FAM184A: variants seen among roughly 807,000 people sequenced by gnomAD.
FAM184A encodes the protein family with sequence similarity 184 member A, also known as protein FAM184A.
Under a neutral mutation model 143.8 loss-of-function variants are expected in FAM184A, and 99 were observed. The observed-to-expected ratio is 0.69, with a 90% CI of 0.58 to 0.81. The LOEUF (loss-of-function observed/expected upper bound fraction) is 0.81. Ranked by LOEUF, FAM184A falls within the 40% of genes least tolerant of loss-of-function variation. The probability of loss-of-function intolerance (pLI) is 0.00; values close to 1 mark genes in which losing one functional copy is unlikely to be tolerated. For missense variants in FAM184A, 1,217 were observed against 1,310.5 expected (o/e 0.93, Z 1.10); for synonymous variants, 427 against 446.4 (o/e 0.96, Z 0.55).
chr6:119,120,873 G>T (rs1789195203), intron 1 of FAM184A, among the ~76,000 whole-genome samples: 1 of 142,000 alleles, frequency 7.0e-6, no homozygotes, highest in African/African-American at 2.7e-5. Context: ...TAGGAGACAG[G>T]GTCTTGTTCT....
At chr6:119,084,613 G>A (rs936056650) in intron 1 of FAM184A, among the ~76,000 whole-genome samples, 6 of 152,206 alleles carry the variant, frequency 3.9e-5, no homozygotes. Context: ...CTGGAGGATG[G>A]CAGCCCTCTT....
At chr6:119,102,954 C>A (rs560581496) in intron 1 of FAM184A, among the ~76,000 whole-genome samples, 1 of 152,260 alleles carries the variant, frequency 6.6e-6, no homozygotes, top group East Asian at 1.9e-4. Flanking sequence ...CCTTCTTATT[C>A]TTTCTTAACA....
intron 1 of FAM184A, among the ~76,000 whole-genome samples, chr6:119,085,465 C>A (rs1788194914): frequency 6.6e-6 from 1 of 152,162 alleles, no homozygotes. Context: ...ACCTTCTCAG[C>A]CTGGACTTCA....
chr6:119,013,154 T>C (rs1355545471), intron 5 of FAM184A, among the ~76,000 whole-genome samples: 1 of 152,052 alleles, frequency 6.6e-6, no homozygotes, highest in Non-Finnish European at 1.5e-5. Flanking sequence ...GGGTGGTGAA[T>C]ATATTCACCT....
At chr6:119,108,237 A>C (rs1303315309) in intron 1 of FAM184A, among the ~76,000 whole-genome samples, 1 of 151,840 alleles carries the variant, frequency 6.6e-6, no homozygotes, top group Non-Finnish European at 1.5e-5. Context: ...AGACCTTTTG[A>C]TGCCTTGATA....
upstream of FAM184A, among the ~76,000 whole-genome samples, chr6:119,082,604 G>A (rs953175069): frequency 6.6e-6 from 1 of 152,222 alleles, no homozygotes; most frequent in South Asian, 2.1e-4. Context: ...AACTGACAAG[G>A]CACTCATTAA....
At chr6:119,049,790 A>T (rs1194589976) in intron 1 of FAM184A, among the ~76,000 whole-genome samples, 1 of 152,218 alleles carries the variant, frequency 6.6e-6, no homozygotes, top group African/African-American at 2.4e-5. Flanking sequence ...GTTCCATGAC[A>T]AGGACACCAA....
intron 1 of FAM184A, among the ~76,000 whole-genome samples, chr6:119,070,490 C>T (rs1787642031): frequency 6.6e-6 from 1 of 152,140 alleles, no homozygotes; most frequent in Admixed American, 6.5e-5. Context: ...GGACCATTAA[C>T]TCTCTAGGTC....
chr6:119,024,589 T>C lies in FAM184A; in HGVS notation c.384A>G (p.Glu128=). ...CAACTCTGTGCTTATAAGCTTCAAA[T>C]TCTGTCAAAGCCTGCTGCTTCATTT... ...HIKMKQQALT[E]FEAYKHRVED... The change falls in exon 2 of 18, where the codon GAA becomes GAG. Residue 128 remains glutamate, a synonymous_variant. Transcript: ENST00000338891. 1 of 1,614,200 alleles carries C rather than the reference T, an allele frequency of 6.2e-7. No individual in the cohort carries two copies. Among genetic ancestry groups the C allele is most frequent in the East Asian group, 2.2e-5 (1 of 44,886 alleles).
intron 1 of FAM184A, among the ~76,000 whole-genome samples, chr6:119,132,683 G>C (rs638083): frequency 0.036 from 5,470 of 152,280 alleles, 320 homozygotes; most frequent in African/African-American, 0.12. Flanking sequence ...CGGACTTACA[G>C]CTCTCTTTTC....
At chr6:119,140,837 A>G (rs1406045015) in intron 1 of FAM184A, among the ~76,000 whole-genome samples, 2 of 152,234 alleles carry the variant, frequency 1.3e-5, no homozygotes, top group African/African-American at 2.4e-5. Flanking sequence ...TTTATTTTGC[A>G]TCGTGGTCTA....
intron 1 of FAM184A, among the ~76,000 whole-genome samples, chr6:119,121,392 C>T (rs1469003178): frequency 3.3e-5 from 5 of 152,220 alleles, no homozygotes; most frequent in Non-Finnish European, 7.3e-5. Flanking sequence ...CCACCTGGGC[C>T]TCCCAAATTG....
chr6:119,132,172 T>G (rs1010413265), intron 1 of FAM184A, among the ~76,000 whole-genome samples: 1 of 152,238 alleles, frequency 6.6e-6, no homozygotes, highest in African/African-American at 2.4e-5. Context: ...TGCCAAATTC[T>G]GTGTAGGTTT....
chr6:119,089,324 C>A (rs968415329), intron 1 of FAM184A, among the ~76,000 whole-genome samples: 8 of 152,068 alleles, frequency 5.3e-5, no homozygotes, highest in African/African-American at 1.9e-4. Flanking sequence ...CTGTCATAGC[C>A]TCCCAAGTAG....
intron 1 of FAM184A, among the ~76,000 whole-genome samples, chr6:119,137,966 G>A (rs910211607): frequency 3.9e-5 from 6 of 152,262 alleles, no homozygotes; most frequent in Non-Finnish European, 7.3e-5. Context: ...AGATGTGGAA[G>A]TCAGAACAGC....
chr6:119,100,334 A>T (rs1325376074), intron 1 of FAM184A, among the ~76,000 whole-genome samples: 1 of 152,150 alleles, frequency 6.6e-6, no homozygotes, highest in East Asian at 1.9e-4. Flanking sequence ...GCTCACTATC[A>T]CTATGGACAC....
At position 118,961,541 on chromosome 6, in the gene FAM184A, C is replaced by A. The variant is rs1465721949; in HGVS notation, c.3341+220G>T. Reference sequence around the variant, plus strand: ...GATATAAATTACATTAACACCTCTTCAAGTACTTAGAAAATTGACTGATGA... The same window carrying A: ...GATATAAATTACATTAACACCTCTTAAAGTACTTAGAAAATTGACTGATGA... On this transcript the variant is annotated intron_variant, in intron 17 of 17. Transcript: ENST00000338891. Among the ~76,000 whole-genome samples, 4 of 152,024 alleles carry A rather than the reference C, an allele frequency of 2.6e-5. No individual in the cohort carries two copies. In the East Asian group the frequency reaches 7.7e-4, roughly 29 times the overall value.
intron 1 of FAM184A, among the ~76,000 whole-genome samples, chr6:119,103,416 A>G (rs1350214743): frequency 6.6e-6 from 1 of 152,212 alleles, no homozygotes; most frequent in Non-Finnish European, 1.5e-5. Context: ...TGTAATTTAT[A>G]GACAAAGACA....
At chr6:118,987,267 C>G (rs1784225246) in intron 9 of FAM184A, among the ~76,000 whole-genome samples, 1 of 152,202 alleles carries the variant, frequency 6.6e-6, no homozygotes. Flanking sequence ...GTTTCTGCCA[C>G]AGAAACTGTC....
Sources: allele counts gnomAD v4.1 joint callset (sites outside exome capture counted in the v4.1 genomes callset), GRCh38; gene constraint gnomAD v4.1.1; transcripts MANE v1.5; gene names NCBI Gene and HGNC (gene_info 2026-07-23, HGNC 2026-07-21).